The following FRMD4A variants were observed in gnomAD, a reference collection of about 807,000 sequenced individuals.
FRMD4A encodes FERM domain containing 4A.
A neutral mutation model predicts 129.1 loss-of-function variants in FRMD4A; 29 were observed. The ratio of observed to expected loss-of-function variants is 0.22; its 90% confidence interval spans 0.17 to 0.31. The LOEUF is 0.31. FRMD4A is among the 10% of genes least tolerant of loss of function. FRMD4A has a pLI of 1.00. For synonymous variants in FRMD4A, 634 were observed against 571.6 expected, an observed-to-expected ratio of 1.11 and a Z score of -1.56; for missense variants, 1,272 against 1,375.8, an observed-to-expected ratio of 0.92 and a Z score of 1.19.
chr10:13,934,785 AG>A (rs1270470273), intron 2 of FRMD4A, among the ~76,000 whole-genome samples: 1 of 152,236 alleles, frequency 6.6e-6, no homozygotes, highest in Non-Finnish European at 1.5e-5. Flanking sequence ...ATTCAATATC[AG>A]GTTATGAAGA....
intron 2 of FRMD4A, among the ~76,000 whole-genome samples, chr10:14,009,693 C>A (rs1411182540): frequency 6.6e-6 from 1 of 152,224 alleles, no homozygotes; most frequent in Admixed American, 6.5e-5. Context: ...AGACACACAT[C>A]ACGAGTCAGT....
chr10:14,167,459 G>A (rs1199743758), intron 2 of FRMD4A, among the ~76,000 whole-genome samples: 2 of 144,306 alleles, frequency 1.4e-5, no homozygotes, highest in Non-Finnish European at 3.0e-5. Context: ...TTGAACTCAG[G>A]TCAGGAGGCA....
At chr10:14,058,331 G>C (rs1293616334) in intron 2 of FRMD4A, among the ~76,000 whole-genome samples, 1 of 152,084 alleles carries the variant, frequency 6.6e-6, no homozygotes, top group Admixed American at 6.6e-5. Context: ...CTACATGTTT[G>C]AGATGCATAT....
chr10:14,013,465 G>C (rs1394383298), intron 2 of FRMD4A, among the ~76,000 whole-genome samples: 1 of 152,118 alleles, frequency 6.6e-6, no homozygotes, highest in East Asian at 1.9e-4. Context: ...AAACAAAAGA[G>C]GGGTGTGGGG....
At chr10:14,029,181 C>G (rs1311180157) in intron 2 of FRMD4A, among the ~76,000 whole-genome samples, 1 of 151,746 alleles carries the variant, frequency 6.6e-6, no homozygotes, top group Non-Finnish European at 1.5e-5. Flanking sequence ...ATCTCTTTCT[C>G]CCATTTCTAT....
chr10:13,662,762 G>A (rs1211658519), intron 19 of FRMD4A, among the ~76,000 whole-genome samples: 1 of 152,216 alleles, frequency 6.6e-6, no homozygotes, highest in Admixed American at 6.5e-5. Context: ...AGCAACAGAG[G>A]GTGTGTTCCA....
intron 2 of FRMD4A, among the ~76,000 whole-genome samples, chr10:14,297,859 T>G (rs1341534831): frequency 6.6e-6 from 1 of 152,154 alleles, no homozygotes; most frequent in Non-Finnish European, 1.5e-5. Context: ...TGAATGGCGA[T>G]ATGAAGTGGT....
chr10:14,066,982 C>T (rs1325614537), intron 2 of FRMD4A, among the ~76,000 whole-genome samples: 1 of 152,094 alleles, frequency 6.6e-6, no homozygotes, highest in Non-Finnish European at 1.5e-5. Context: ...TTCATGAGAG[C>T]TCATACACAA....
intron 2 of FRMD4A, among the ~76,000 whole-genome samples, chr10:14,034,164 G>T (rs1157130605): frequency 2.6e-5 from 4 of 152,288 alleles, no homozygotes; most frequent in Admixed American, 2.0e-4. Context: ...TGCTTGGGAG[G>T]TCATGGCACT....
chr10:14,221,365 G>T lies in FRMD4A; in HGVS notation c.45+108693C>A, dbSNP rs531025959. Among the ~76,000 whole-genome samples, 22 of 152,280 alleles carry T rather than the reference G, an allele frequency of 1.4e-4. No homozygotes were observed. The South Asian group carries it at 4.6e-3, about 32-fold the overall frequency. ...AGGGGAGAGCATTGGTGGAGATGTGGCCTAATTTCATAGCCTGGAGAATCA... is the reference window on the plus strand; with the variant it reads ...AGGGGAGAGCATTGGTGGAGATGTGTCCTAATTTCATAGCCTGGAGAATCA... On this transcript the variant is annotated intron_variant, in intron 2 of 24. Coordinates refer to ENST00000357447, the MANE Select transcript of FRMD4A (RefSeq NM_018027.5).
intron 12 of FRMD4A, among the ~76,000 whole-genome samples, chr10:13,708,901 C>G (rs1328206423): frequency 3.3e-5 from 5 of 152,336 alleles, no homozygotes; most frequent in African/African-American, 1.2e-4. Flanking sequence ...GGGCAGTACA[C>G]TGAGCAAAGC....
intron 2 of FRMD4A, among the ~76,000 whole-genome samples, chr10:14,212,192 G>A (rs1842951282): frequency 6.6e-6 from 1 of 152,076 alleles, no homozygotes; most frequent in Admixed American, 6.6e-5. Context: ...CCACTAACAA[G>A]GGGCCACCAC....
chr10:13,820,746 G>A (rs757449823), intron 3 of FRMD4A, among the ~76,000 whole-genome samples: 10 of 152,190 alleles, frequency 6.6e-5, no homozygotes, highest in East Asian at 1.9e-4. Flanking sequence ...ACGCATGGCC[G>A]GATGGCACAG....
intron 6 of FRMD4A, among the ~76,000 whole-genome samples, chr10:13,771,482 T>C (rs1386794821): frequency 6.6e-6 from 1 of 152,218 alleles, no homozygotes; most frequent in Non-Finnish European, 1.5e-5. Context: ...CTCAGTGCAG[T>C]GTAGGCAACA....
chr10:14,272,620 T>A (rs1488983884), intron 2 of FRMD4A, among the ~76,000 whole-genome samples: 1 of 152,078 alleles, frequency 6.6e-6, no homozygotes, highest in Non-Finnish European at 1.5e-5. Context: ...AGAAAAGAGG[T>A]TTAACTGGCT....
chr10:14,094,816 G>T (rs943345534), intron 2 of FRMD4A, among the ~76,000 whole-genome samples: 11 of 152,226 alleles, frequency 7.2e-5, no homozygotes, highest in African/African-American at 2.7e-4. Flanking sequence ...AAGATTTGCA[G>T]TGGCTACTGC....
chr10:13,652,168 G>A (rs2081677008), intron 23 of FRMD4A, 194 bp from the exon 24 acceptor site: 1 of 602,144 alleles, frequency 1.7e-6, no homozygotes, highest in East Asian at 2.8e-5. Context: ...TACCTAGTTT[G>A]TTAGGAGGGA....
chr10:13,664,692 T>G (rs1391374191), intron 18 of FRMD4A, among the ~76,000 whole-genome samples: 3 of 133,822 alleles, frequency 2.2e-5, no homozygotes, highest in Non-Finnish European at 4.7e-5. Flanking sequence ...ACATCACATT[T>G]ACCATGTTAA....
intron 2 of FRMD4A, among the ~76,000 whole-genome samples, chr10:13,918,096 G>A (rs780338528): frequency 1.3e-5 from 2 of 152,208 alleles, no homozygotes; most frequent in Non-Finnish European, 2.9e-5. Context: ...CCCCAGCACT[G>A]AGATTTATTC....
Sources: gnomAD v4.1 joint callset for allele counts (sites outside exome capture counted in the v4.1 genomes callset) on GRCh38, gnomAD v4.1.1 for gene constraint, MANE v1.5 for transcripts, NCBI Gene and HGNC (gene_info 2026-07-23, HGNC 2026-07-21) for gene names.